Variants in BRF1 observed in about 807,000 individuals in gnomAD.
The protein encoded by BRF1 is transcription factor IIIB 90 kDa subunit.
BRF1 carries 59 observed loss-of-function variants against 81.7 expected under a neutral mutation model. The ratio of observed to expected loss-of-function variants is 0.72; its 90% confidence interval spans 0.59 to 0.90. The LOEUF (loss-of-function observed/expected upper bound fraction) is 0.90. BRF1 is among the 40% of genes least tolerant of loss of function. BRF1 has a pLI of 0.00. For missense variants in BRF1, 1,050 were observed against 936.3 expected (o/e 1.12, Z -1.58); for synonymous variants, 491 against 395.6 (o/e 1.24, Z -2.86).
rs905515242 is a variant in BRF1 at position 105,221,487 on chromosome 14, C to T, written c.1315+161G>A. 5.3e-5 allele frequency among the ~76,000 whole-genome samples: 8 copies of T among 152,214 alleles called. No homozygotes were observed. In the East Asian group the frequency reaches 7.7e-4, roughly 15 times the overall value. Reference sequence around the variant, plus strand: ...GCCAGGACCACTGACGCCCACACAGCCCCATTGGGGGGACTGGTGGTGCCA... The same window carrying T: ...GCCAGGACCACTGACGCCCACACAGTCCCATTGGGGGGACTGGTGGTGCCA... On this transcript the variant is annotated intron_variant, in intron 11 of 17. Transcript: ENST00000547530.
chr14:105,278,375 T>C (rs2056930686), intron 2 of BRF1, among the ~76,000 whole-genome samples: 2 of 147,700 alleles, frequency 1.4e-5, no homozygotes, highest in Non-Finnish European at 1.5e-5. Context: ...GAGGCTGCAG[T>C]GAGCCATGAT....
chr14:105,217,314 CCT>C (rs1236141000), intron 15 of BRF1: 22 of 651,670 alleles, frequency 3.4e-5, no homozygotes, highest in Non-Finnish European at 4.9e-5. Context: ...GCAGGACCCC[CCT>C]GACAGCTGGA....
chr14:105,209,418 G>C lies in BRF1; in HGVS notation c.*1133C>G. On this transcript the variant is annotated 3_prime_UTR_variant, in exon 18 of 18. Transcript: ENST00000547530. The stretch of plus-strand genomic sequence containing the variant: ...GGTAGGGGGGTCTGGCCTGCTGCGG[G>C]CCAAGTTGGGGCAGGACATACAGCC... The C allele has an allele frequency of 1.5e-6, 1 of 675,810 alleles. No individual in the cohort carries two copies. The highest frequency in any genetic ancestry group is 1.5e-5 in the South Asian group (1 of 64,564). 41.9% of individuals were successfully genotyped at this position (675,810 alleles called of 1,614,324 possible). A position where few individuals can be genotyped will look rare whatever the true frequency, so the allele number is the denominator to read the frequency against.
rs587655620 is a variant in BRF1, at chr14:105,209,547, C to T, written c.*1004G>A. The T allele has an allele frequency of 7.7e-5, 54 of 702,656 alleles. No individual in the cohort carries two copies. The highest frequency in any genetic ancestry group is 3.8e-4 in the Admixed American group (19 of 50,010). 43.5% of individuals were successfully genotyped at this position (702,656 alleles called of 1,614,324 possible). On this transcript the variant is annotated 3_prime_UTR_variant, in exon 18 of 18. Transcript: ENST00000547530. ...AGGGTGAAGCCCCCTCGGCCACATC[C>T]GGGGCAGCCATGCCAGAGCTGAGAC...
chr14:105,209,625 G>A lies in BRF1; in HGVS notation c.*926C>T, dbSNP rs1047911466. ...CACGAAGAGGCCTGGGGAGGCTCTC[G>A]GGCCTCCGTCTGCCCTCCCTCCTCG... On this transcript the variant is annotated 3_prime_UTR_variant, in exon 18 of 18. Coordinates refer to ENST00000547530, the MANE Select transcript of BRF1 (RefSeq NM_001519.4). The A allele has an allele frequency of 2.9e-5, 20 of 696,694 alleles. No individual in the cohort carries two copies. Among genetic ancestry groups the A allele is most frequent in the East Asian group, 2.2e-4 (8 of 37,178 alleles). The allele number at this position is 696,694 out of a possible 1,614,324, so 43.2% of individuals were successfully genotyped here. A position where few individuals can be genotyped will look rare whatever the true frequency, so the allele number is the denominator to read the frequency against.
intron 3 of BRF1, among the ~76,000 whole-genome samples, chr14:105,270,244 G>A (rs1449532002): frequency 1.3e-5 from 2 of 150,940 alleles, no homozygotes; most frequent in Non-Finnish European, 2.9e-5. Flanking sequence ...CGCGATCTCG[G>A]CTCACTGCAA....
rs587621860 is a variant in BRF1, at chr14:105,261,594, T to G, written c.440-5045A>C. Among the ~76,000 whole-genome samples, 12 of 152,352 alleles carry G rather than the reference T, an allele frequency of 7.9e-5. 1 individual carries two copies. In the South Asian group the frequency reaches 2.1e-3, roughly 26 times the overall value. On this transcript the variant is annotated intron_variant, in intron 3 of 17. Transcript: ENST00000547530. ...ATGGAAAAGTTTACAGAGATTTACATAAGGCAGAACTAAAACTTAAAAAAA... is the reference window on the plus strand; with the variant it reads ...ATGGAAAAGTTTACAGAGATTTACAGAAGGCAGAACTAAAACTTAAAAAAA...
intron 5 of BRF1, chr14:105,248,484 T>G (rs1595376678): frequency 1.0e-6 from 1 of 970,738 alleles, no homozygotes; most frequent in Non-Finnish European, 1.2e-6. Context: ...ATGTCGGGCC[T>G]GGGGGCGGGG....
intron 5 of BRF1, chr14:105,248,257 A>G (rs1303775321): frequency 3.0e-6 from 3 of 985,338 alleles, no homozygotes; most frequent in Non-Finnish European, 3.6e-6. Flanking sequence ...GGCCGCGGCC[A>G]GAGGCAGACT....
intron 1 of BRF1, 99 bp from the exon 2 acceptor site, chr14:105,286,475 G>T (rs978964307): frequency 7.2e-6 from 9 of 1,255,686 alleles, no homozygotes; most frequent in African/African-American, 1.5e-5. Flanking sequence ...CAAAGCGGGG[G>T]TCAGCACTCA....
intron 3 of BRF1, 58 bp from the exon 4 acceptor site, chr14:105,256,607 C>T (rs1223059178): frequency 1.9e-6 from 3 of 1,599,618 alleles, no homozygotes; most frequent in Admixed American, 3.4e-5. Context: ...ACTCGCCCAC[C>T]TTCAAATGGG....
At chr14:105,251,436 G>C (rs1373012150) in intron 5 of BRF1, among the ~76,000 whole-genome samples, 1 of 152,218 alleles carries the variant, frequency 6.6e-6, no homozygotes, top group Non-Finnish European at 1.5e-5. Context: ...CTGCGGGACA[G>C]CCTGTTGCAG....
intron 6 of BRF1, among the ~76,000 whole-genome samples, chr14:105,229,282 G>A (rs967530864): frequency 3.9e-5 from 6 of 152,238 alleles, no homozygotes; most frequent in African/African-American, 1.4e-4. Flanking sequence ...CAGGAAAGGG[G>A]CGAGGCCACA....
At chr14:105,265,560 T>C (rs1167623776) in intron 3 of BRF1, among the ~76,000 whole-genome samples, 1 of 152,082 alleles carries the variant, frequency 6.6e-6, no homozygotes, top group East Asian at 1.9e-4. Flanking sequence ...GAGACCAGCC[T>C]GGCCAACATG....
At chr14:105,218,964 CAAG>C in intron 14 of BRF1, 31 bp downstream of exon 14, 1 of 1,613,584 alleles carries the variant, frequency 6.2e-7, no homozygotes, top group Non-Finnish European at 8.5e-7. Flanking sequence ...TGGACACCCC[CAAG>C]AAGGCCAGGC....
intron 1 of BRF1, among the ~76,000 whole-genome samples, chr14:105,297,575 A>C (rs930259728): frequency 3.3e-5 from 5 of 152,074 alleles, no homozygotes; most frequent in African/African-American, 1.2e-4. Context: ...GTCTCAAAAA[A>C]AGAGAAAGAA....
At chr14:105,242,309 T>C (rs1489301282) in intron 5 of BRF1, 2 of 150,424 alleles carry the variant, frequency 1.3e-5, no homozygotes, top group Non-Finnish European at 3.0e-5. Flanking sequence ...AAACCAATGA[T>C]TTGTGGTGAT....
intron 1 of BRF1, among the ~76,000 whole-genome samples, chr14:105,293,426 C>A (rs11622166): frequency 0.24 from 36,288 of 152,110 alleles, 4,512 homozygotes; most frequent in Middle Eastern, 0.28. Flanking sequence ...CCCACCCCCA[C>A]AAGTTCTGGT....
chr14:105,224,008 A>G (rs1892706573), intron 10 of BRF1, among the ~76,000 whole-genome samples: 2 of 152,216 alleles, frequency 1.3e-5, no homozygotes, highest in Non-Finnish European at 2.9e-5. Flanking sequence ...GAACGTTACT[A>G]TTGTAAGCCA....
Sources: allele counts gnomAD v4.1 joint callset (sites outside exome capture counted in the v4.1 genomes callset), GRCh38; gene constraint gnomAD v4.1.1; transcripts MANE v1.5; gene names NCBI Gene and HGNC (gene_info 2026-07-23, HGNC 2026-07-21).